Variants in ERI3 observed in about 807,000 individuals in gnomAD.
ERI3 encodes ERI1 exoribonuclease family member 3, also known as ERI1 exoribonuclease 3.
ERI3 carries 18 observed loss-of-function variants against 44.4 expected under a neutral mutation model. That is an observed-to-expected ratio of 0.41 (90% CI 0.28 to 0.60). The LOEUF (loss-of-function observed/expected upper bound fraction) is 0.60, where lower values mean the gene tolerates loss of function less well. Ranked by LOEUF, ERI3 falls within the 20% of genes least tolerant of loss-of-function variation. The pLI is 0.36. For missense variants in ERI3, 294 were observed against 435.5 expected (o/e 0.68, Z 2.89); for synonymous variants, 183 against 164.8 (o/e 1.11, Z -0.84).
At chr1:44,287,351 C>T (rs1402835680) in intron 6 of ERI3, among the ~76,000 whole-genome samples, 2 of 152,188 alleles carry the variant, frequency 1.3e-5, no homozygotes, top group Non-Finnish European at 2.9e-5. Flanking sequence ...TGACTGATTC[C>T]ACTCCAGAAA....
chr1:44,253,122 CCTAA>C (rs1644715586), intron 7 of ERI3, among the ~76,000 whole-genome samples: 1 of 152,200 alleles, frequency 6.6e-6, no homozygotes, highest in Non-Finnish European at 1.5e-5. Context: ...ACAAATACTA[CCTAA>C]CTCTCTATCC....
intron 3 of ERI3, among the ~76,000 whole-genome samples, chr1:44,327,493 C>T (rs1248920375): frequency 1.3e-5 from 2 of 152,234 alleles, no homozygotes; most frequent in East Asian, 3.8e-4. Flanking sequence ...CTCAGTTTAT[C>T]CTCCCATCAG....
At chr1:44,317,978 T>A (rs1476396357) in intron 4 of ERI3, among the ~76,000 whole-genome samples, 5 of 152,106 alleles carry the variant, frequency 3.3e-5, no homozygotes, top group Non-Finnish European at 7.4e-5. Flanking sequence ...CATTTTCACT[T>A]TTAGAACAGC....
At position 44,252,771 on chromosome 1, in the gene ERI3, C is replaced by T. The variant is rs1644708905; in HGVS notation, c.832-4733G>A. Among the ~76,000 whole-genome samples, 3 of 152,182 alleles carry T rather than the reference C, an allele frequency of 2.0e-5. No individual in the cohort carries two copies. Among genetic ancestry groups the T allele is most frequent in the Admixed American group, 2.0e-4 (3 of 15,286 alleles). On this transcript the variant is annotated intron_variant, in intron 7 of 8. Coordinates refer to ENST00000372257, the MANE Select transcript of ERI3 (RefSeq NM_024066.3). This position sits in a 1 kb window ranked among gnomAD's most constrained non-coding sequence, Gnocchi z 4.7. ...GGTATCTCTGCCCACCCATATACTACCTACCAGGACCCTCAGAGTGGAGTG... is the reference window on the plus strand; with the variant it reads ...GGTATCTCTGCCCACCCATATACTATCTACCAGGACCCTCAGAGTGGAGTG...
chr1:44,310,714 T>G (rs1351131171), intron 5 of ERI3, among the ~76,000 whole-genome samples: 1 of 152,128 alleles, frequency 6.6e-6, no homozygotes, highest in Non-Finnish European at 1.5e-5. Context: ...AAGTCATCCT[T>G]GACTAAGGCC....
chr1:44,332,885 A>C (rs1646459541), intron 3 of ERI3, among the ~76,000 whole-genome samples: 1 of 152,240 alleles, frequency 6.6e-6, no homozygotes, highest in South Asian at 2.1e-4. Flanking sequence ...CAAAAAAGAC[A>C]AAGGGGCCTA....
chr1:44,351,264 C>T (rs974816721), intron 2 of ERI3, among the ~76,000 whole-genome samples: 6 of 152,108 alleles, frequency 3.9e-5, no homozygotes, highest in Non-Finnish European at 8.8e-5. Flanking sequence ...AAACTCCTGA[C>T]GTCAAGTGAT....
chr1:44,256,021 C>A (rs543291688), intron 7 of ERI3, among the ~76,000 whole-genome samples: 6 of 152,274 alleles, frequency 3.9e-5, no homozygotes, highest in African/African-American at 1.4e-4. Context: ...GTGAATGGCA[C>A]CTGTAACATG....
chr1:44,243,581 A>G, intron 8 of ERI3: 1 of 152,352 alleles, frequency 6.6e-6, no homozygotes, highest in Non-Finnish European at 1.5e-5. Context: ...TGGCCCCTGG[A>G]AGATTAGCAG....
intron 7 of ERI3, among the ~76,000 whole-genome samples, chr1:44,264,324 G>A (rs1015679671): frequency 1.3e-5 from 2 of 151,932 alleles, no homozygotes; most frequent in African/African-American, 2.4e-5. Flanking sequence ...GGCAGCACCC[G>A]CCCACCCGCA....
chr1:44,275,993 C>T (rs1211324767), intron 7 of ERI3, among the ~76,000 whole-genome samples: 2 of 152,182 alleles, frequency 1.3e-5, no homozygotes, highest in Non-Finnish European at 2.9e-5. Flanking sequence ...CAGGCTGCTT[C>T]CACTCAAGGC....
At position 44,248,050 on chromosome 1, in the gene ERI3, G is replaced by A. The variant is rs1644591649; in HGVS notation, c.832-12C>T. On this transcript the variant is annotated splice_polypyrimidine_tract_variant and intron_variant, in intron 7 of 8. Coordinates refer to ENST00000372257, the MANE Select transcript of ERI3 (RefSeq NM_024066.3). ...GCGAAGCTGTAAGCCTGGAAGACAG[G>A]AGGCAAGTGGTTAACGGAGGCCCTG... The A allele has an allele frequency of 6.2e-7, 1 of 1,607,238 alleles. No homozygotes were observed. Among genetic ancestry groups the A allele is most frequent in the Non-Finnish European group, 8.5e-7 (1 of 1,175,798 alleles).
chr1:44,344,233 CAATAAATAAATAAATA>C lies in ERI3; in HGVS notation c.212-4927_212-4912del, dbSNP rs10652551. ...AGCCTGGGTGACAGAGACTCCATCT[CAATAAATAAATAAATA>C]AATAAATAAATAAATAAATAAATAA... On this transcript the variant is annotated intron_variant, in intron 2 of 8. Coordinates refer to ENST00000372257, the MANE Select transcript of ERI3 (RefSeq NM_024066.3). Among the ~76,000 whole-genome samples, 124 of 142,640 alleles carry C rather than the reference CAATAAATAAATAAATA, an allele frequency of 8.7e-4. 2 individuals carry two copies. The South Asian group carries it at 0.01, about 12-fold the overall frequency. 93.6% of individuals were successfully genotyped at this position (142,640 alleles called of 152,430 possible). A position where few individuals can be genotyped will look rare whatever the true frequency, so the allele number is the denominator to read the frequency against.
intron 2 of ERI3, among the ~76,000 whole-genome samples, chr1:44,346,847 C>T (rs1646793505): frequency 6.6e-6 from 1 of 152,050 alleles, no homozygotes. Context: ...TCAATTCAAC[C>T]GTGCGATGTA....
intron 2 of ERI3, among the ~76,000 whole-genome samples, chr1:44,340,689 C>T (rs1449125934): frequency 6.6e-6 from 1 of 152,190 alleles, no homozygotes; most frequent in East Asian, 1.9e-4. Context: ...TTCCCTATCC[C>T]TATAATGAGA....
In ERI3 at chr1:44,331,328, A is replaced by C. The variant is rs10127454; in HGVS notation, c.489+7717T>G. Among the ~76,000 whole-genome samples the C allele has an allele frequency of 5.4e-3, 820 of 151,736 alleles. 6 individuals are homozygous for C. The highest frequency in any genetic ancestry group is 0.019 in the African/African-American group (773 of 41,314). The stretch of plus-strand genomic sequence containing the variant: ...TTTTTTTTTTTTTTAAGCAGGGGGA[A>C]GGTGAAGGGGAGGCGTCATGTCATT... On this transcript the variant is annotated intron_variant, in intron 3 of 8. Coordinates refer to ENST00000372257, the MANE Select transcript of ERI3 (RefSeq NM_024066.3).
intron 1 of ERI3, chr1:44,353,696 G>C: frequency 1.0e-6 from 1 of 985,400 alleles, no homozygotes; most frequent in South Asian, 4.7e-5. Context: ...ATTTCAAGTT[G>C]GAAGAAAAGC....
chr1:44,314,559 G>A lies in ERI3; in HGVS notation c.607-1331C>T, dbSNP rs139813446. On this transcript the variant is annotated intron_variant, in intron 4 of 8. Transcript: ENST00000372257. ...GCTTTAACCCACAGCATGCCCACCC[G>A]GCTGGCACCTCCACACCCTTTCCTT... Among the ~76,000 whole-genome samples, 270 of 152,206 alleles carry A rather than the reference G, an allele frequency of 1.8e-3. 1 individual carries two copies. Among genetic ancestry groups the A allele is most frequent in the African/African-American group, 6.2e-3 (256 of 41,516 alleles).
rs556852144 is a variant in ERI3, at chr1:44,325,661, T to G, written c.490-5917A>C. On this transcript the variant is annotated intron_variant, in intron 3 of 8. Coordinates refer to ENST00000372257, the MANE Select transcript of ERI3 (RefSeq NM_024066.3). ...ACTGGGACAGAGGGTTTATAAATTC[T>G]GTTTTTTTGTTTGTTTTTGAGACAG... 2.0e-5 allele frequency among the ~76,000 whole-genome samples: 3 copies of G among 152,268 alleles called. No individual in the cohort carries two copies. The South Asian group carries it at 6.2e-4, about 32-fold the overall frequency.
Sources: allele counts gnomAD v4.1 joint callset (sites outside exome capture counted in the v4.1 genomes callset), GRCh38; gene constraint gnomAD v4.1.1; non-coding constraint Gnocchi (gnomAD v3.1); transcripts MANE v1.5; gene names NCBI Gene and HGNC (gene_info 2026-07-23, HGNC 2026-07-21).